The following ARID1A variants were observed in gnomAD, a reference collection of about 807,000 sequenced individuals.
ARID1A encodes the protein AT-rich interaction domain 1A, also known as AT-rich interactive domain-containing protein 1A.
ARID1A carries 20 observed loss-of-function variants against 212.6 expected under a neutral mutation model. That is an observed-to-expected ratio of 0.09 (90% confidence interval 0.07 to 0.14). The LOEUF (loss-of-function observed/expected upper bound fraction) is 0.14, where lower values mean the gene tolerates loss of function less well. Among genes scored for constraint, ARID1A ranks in the 10% least tolerant of loss-of-function variants. The pLI is 1.00. For missense variants in ARID1A, 2,587 were observed against 3,059.0 expected, an observed-to-expected ratio of 0.85 and a Z score of 3.64; for synonymous variants, 1,376 against 1,222.1, an observed-to-expected ratio of 1.13 and a Z score of -2.63.
intron 1 of ARID1A, among the ~76,000 whole-genome samples, chr1:26,700,713 C>A (rs888383671): frequency 6.6e-6 from 1 of 152,202 alleles, no homozygotes; most frequent in Non-Finnish European, 1.5e-5. Context: ...TTTCTGACTC[C>A]TGGGAAACAG....
chr1:26,765,433 AGCTGAGATCGC>A (rs1206304674), intron 8 of ARID1A: 1 of 151,748 alleles, frequency 6.6e-6, no homozygotes. Context: ...GCTTGCAGTG[AGCTGAGATCGC>A]GCCACTGCTC....
At chr1:26,769,000 C>T (rs1057484739) in intron 11 of ARID1A, among the ~76,000 whole-genome samples, 13 of 152,204 alleles carry the variant, frequency 8.5e-5, no homozygotes, top group Admixed American at 2.0e-4. Context: ...TTCCTTCTCC[C>T]TTCAGGCTTT....
chr1:26,717,089 A>T (rs1156447368), intron 1 of ARID1A, among the ~76,000 whole-genome samples: 1 of 152,242 alleles, frequency 6.6e-6, no homozygotes, highest in East Asian at 1.9e-4. Flanking sequence ...CCCCGGTTGA[A>T]TACTACTGGC....
Position 26,779,127 on chromosome 1 carries a change from G to A in ARID1A, c.5229G>A (p.Thr1743=), listed in dbSNP as rs769576029. The change falls in exon 20 of 20, where the codon ACG becomes ACA. Residue 1743 remains threonine (T), a synonymous_variant. Coordinates refer to ENST00000324856, the MANE Select transcript of ARID1A (RefSeq NM_006015.6). ...AGGTGGGTGACCCAGGACAGAGAACGCTACTGGATCCTGGGAGGTTCAGCA... is the reference window on the plus strand; with the variant it reads ...AGGTGGGTGACCCAGGACAGAGAACACTACTGGATCCTGGGAGGTTCAGCA... The part of the protein sequence containing the change: ...EYEVGDPGQR[T]LLDPGRFSKV... The A allele has an allele frequency of 6.4e-6, 10 of 1,571,722 alleles. No homozygotes were observed. Among genetic ancestry groups the A allele is most frequent in the East Asian group, 2.3e-5 (1 of 44,410 alleles).
In ARID1A at chr1:26,696,809, C is replaced by A; in HGVS notation, c.406C>A (p.Pro136Thr). 7.5e-7 allele frequency: 1 copy of A among 1,341,038 alleles called. No homozygotes were observed. 83.1% of individuals were successfully genotyped at this position (1,341,038 alleles called of 1,614,324 possible). The part of the protein sequence containing the change: ...GGSSDGVGAP[P>T]HSAAAALPPP... ...CAGCAGCGATGGGGTGGGGGCGCCT[C>A]CTCACTCAGCCGCGGCCGCCTTGCC... The change falls in exon 1 of 20, where the codon CCT becomes ACT. Residue 136 changes from proline (P) to threonine (T), a missense_variant. By Grantham distance (38) the Pro-to-Thr change is conservative (BLOSUM62 -1). Transcript: ENST00000324856.
chr1:26,704,254 G>C (rs2080366186), intron 1 of ARID1A, among the ~76,000 whole-genome samples: 1 of 152,190 alleles, frequency 6.6e-6, no homozygotes, highest in Admixed American at 6.5e-5. Flanking sequence ...TTCTTGGCTA[G>C]TTCAGGGGCA....
At chr1:26,720,187 G>A (rs189249116) in intron 1 of ARID1A, among the ~76,000 whole-genome samples, 2 of 151,338 alleles carry the variant, frequency 1.3e-5, no homozygotes, top group East Asian at 3.9e-4. Flanking sequence ...AGAGGCATAA[G>A]TTGGAGTCAG....
intron 4 of ARID1A, among the ~76,000 whole-genome samples, chr1:26,740,695 A>T (rs2080779860): frequency 6.6e-6 from 1 of 152,252 alleles, no homozygotes; most frequent in Non-Finnish European, 1.5e-5. Flanking sequence ...TTTTACAAAA[A>T]TGATCCATTA....
intron 4 of ARID1A, among the ~76,000 whole-genome samples, chr1:26,745,009 C>A (rs961050525): frequency 6.6e-6 from 1 of 152,236 alleles, no homozygotes; most frequent in East Asian, 1.9e-4. Flanking sequence ...TCTTCCTTTA[C>A]AGCCACTCTT....
rs548001465 is a variant in ARID1A at position 26,777,396 on chromosome 1, T to A, written c.5125-1627T>A. 4.9e-4 allele frequency among the ~76,000 whole-genome samples: 73 copies of A among 149,536 alleles called. 2 individuals carry two copies. The East Asian group carries it at 0.012, about 25-fold the overall frequency. ...CAAACATGCTCATGCTCAGCTAATT[T>A]TTTTTTTTTTTTTTTTTGAGAGATG... On this transcript the variant is annotated intron_variant, in intron 19 of 19. Transcript: ENST00000324856.
At position 26,773,230 on chromosome 1, in the gene ARID1A, C is replaced by T. The variant is rs932177951; in HGVS notation, c.3716-116C>T. 4 of 1,423,962 alleles carry T rather than the reference C, an allele frequency of 2.8e-6. No homozygotes were observed. The East Asian group carries it at 6.9e-5, about 25-fold the overall frequency. The allele number at this position is 1,423,962 out of a possible 1,614,324, so 88.2% of individuals were successfully genotyped here. ...GGCCTCTTTAGATCTCTGTTTTGAA[C>T]TTGTCTGGAAAACAATGAGATCAAA... On this transcript the variant is annotated intron_variant, in intron 14 of 19. Transcript: ENST00000324856.
At chr1:26,720,088 T>C (rs1370941821) in intron 1 of ARID1A, among the ~76,000 whole-genome samples, 2 of 150,704 alleles carry the variant, frequency 1.3e-5, no homozygotes, top group African/African-American at 2.4e-5. Flanking sequence ...CCGTTGCTAC[T>C]AAAAATACAA....
rs112262001 is a variant in ARID1A at position 26,696,439 on chromosome 1, C to T, written c.36C>T (p.Ser12=). The T allele has an allele frequency of 1.3e-5, 17 of 1,290,002 alleles. No homozygotes were observed. In the Admixed American group the frequency reaches 2.6e-4, roughly 20 times the overall value. 79.9% of individuals were successfully genotyped at this position (1,290,002 alleles called of 1,614,324 possible). Residue 12 remains serine, a synonymous_variant, in exon 1 of 20, where the codon AGC becomes AGT. Transcript: ENST00000324856. ...AGGTCGCCCCCGCCGCCGCCAGCAG[C>T]CTGGGCAACCCGCCGCCGCCGCCGC... is the stretch of plus-strand genomic sequence containing the variant. ...AAQVAPAAAS[S]LGNPPPPPPS...
chr1:26,736,694 G>A (rs937932520), intron 4 of ARID1A, among the ~76,000 whole-genome samples: 2 of 150,776 alleles, frequency 1.3e-5, no homozygotes, highest in Non-Finnish European at 1.5e-5. Flanking sequence ...CCTGAGGTCT[G>A]GAGTTTGAGA....
chr1:26,763,981 A>G (rs545199611), intron 8 of ARID1A, among the ~76,000 whole-genome samples: 1 of 151,708 alleles, frequency 6.6e-6, no homozygotes, highest in South Asian at 2.1e-4. Context: ...ATATTTATTT[A>G]TTTATTTAGA....
In ARID1A at chr1:26,779,107, G is replaced by A. The variant is rs758555204; in HGVS notation, c.5209G>A (p.Gly1737Ser). ...TGGCATTTTAAAGGAGTATGAGGTGGGTGACCCAGGACAGAGAACGCTACT... is the reference window on the plus strand; with the variant it reads ...TGGCATTTTAAAGGAGTATGAGGTGAGTGACCCAGGACAGAGAACGCTACT... ...IFGILKEYEV[G>S]DPGQRTLLDP... The change falls in exon 20 of 20, where the codon GGT (glycine) becomes AGT (serine). Residue 1737 changes from glycine to serine, a missense_variant. This residue lies in a region of ARID1A where 890 missense variants were observed against 1,098.2 expected (regional missense o/e 0.81). Coordinates refer to ENST00000324856, the MANE Select transcript of ARID1A (RefSeq NM_006015.6). 2.3e-5 allele frequency: 36 copies of A among 1,543,396 alleles called. No homozygotes were observed. Among genetic ancestry groups the A allele is most frequent in the Non-Finnish European group, 3.0e-5 (34 of 1,144,520 alleles).
At chr1:26,768,942 C>T (rs2081061231) in intron 11 of ARID1A, among the ~76,000 whole-genome samples, 1 of 152,152 alleles carries the variant, frequency 6.6e-6, no homozygotes, top group Admixed American at 6.5e-5. Context: ...CTGTCACCAG[C>T]AGAAAAGAAA....
chr1:26,720,601 G>A (rs2080553529), intron 1 of ARID1A, among the ~76,000 whole-genome samples: 2 of 152,162 alleles, frequency 1.3e-5, no homozygotes, highest in Admixed American at 1.3e-4. Flanking sequence ...TTCCTGGCTG[G>A]GCGCAGTGGC....
chr1:26,738,255 CT>C (rs1429395445), intron 4 of ARID1A, among the ~76,000 whole-genome samples: 1 of 152,114 alleles, frequency 6.6e-6, no homozygotes, highest in Non-Finnish European at 1.5e-5. Flanking sequence ...AACTCCTGAC[CT>C]GGGTGATCCA....
Sources: gnomAD v4.1 joint callset for allele counts (sites outside exome capture counted in the v4.1 genomes callset) on GRCh38, gnomAD v4.1.1 for gene constraint, gnomAD v4.1.1 regional missense constraint, MANE v1.5 for transcripts, NCBI Gene and HGNC (gene_info 2026-07-23, HGNC 2026-07-21) for gene names.